NXPH2: variants seen among roughly 807,000 people sequenced by gnomAD.
NXPH2 encodes the protein neurexophilin-2.
NXPH2 carries 5 observed loss-of-function variants against 19.8 expected under a neutral mutation model. The observed-to-expected ratio is 0.25, with a 90% CI of 0.13 to 0.53. The LOEUF is 0.53. Ranked by LOEUF, NXPH2 falls within the 20% of genes least tolerant of loss-of-function variation. The pLI is 0.96. For missense variants in NXPH2, 289 were observed against 322.8 expected (o/e 0.90, Z 0.80); for synonymous variants, 154 against 127.4 (o/e 1.21, Z -1.41).
chr2:138,750,706 C>T (rs1427761756), intron 1 of NXPH2, among the ~76,000 whole-genome samples: 1 of 151,984 alleles, frequency 6.6e-6, no homozygotes, highest in East Asian at 1.9e-4. Context: ...ACAAAAATAT[C>T]ACTTTAAAAA....
At chr2:138,723,440 G>T (rs1573967030) in intron 1 of NXPH2, among the ~76,000 whole-genome samples, 1 of 152,176 alleles carries the variant, frequency 6.6e-6, no homozygotes, top group African/African-American at 2.4e-5. Context: ...AGTTCTCAAT[G>T]ATTACGCCAT....
At chr2:138,713,594 G>A (rs951762818) in intron 1 of NXPH2, among the ~76,000 whole-genome samples, 4 of 135,296 alleles carry the variant, frequency 3.0e-5, no homozygotes, top group South Asian at 2.9e-4. Flanking sequence ...TGTAGAAAAC[G>A]TTCTGTGTGT....
At chr2:138,745,948 G>A (rs1681724318) in intron 1 of NXPH2, among the ~76,000 whole-genome samples, 1 of 152,204 alleles carries the variant, frequency 6.6e-6, no homozygotes, top group African/African-American at 2.4e-5. Flanking sequence ...TAACACGGCT[G>A]GTGGCCTAGT....
chr2:138,688,013 G>T (rs1680687496), intron 1 of NXPH2, among the ~76,000 whole-genome samples: 1 of 152,166 alleles, frequency 6.6e-6, no homozygotes. Context: ...GATTGACTTG[G>T]CAATGCGGGC....
intron 1 of NXPH2, among the ~76,000 whole-genome samples, chr2:138,720,721 G>C (rs1472538457): frequency 1.3e-5 from 2 of 152,172 alleles, no homozygotes; most frequent in East Asian, 3.9e-4. Flanking sequence ...AGAAAATACG[G>C]TTCAGATCCC....
intron 1 of NXPH2, among the ~76,000 whole-genome samples, chr2:138,677,286 G>T (rs1241801165): frequency 1.3e-5 from 2 of 152,100 alleles, no homozygotes; most frequent in Non-Finnish European, 2.9e-5. Context: ...GCATAAAATG[G>T]AGTTTTACAA....
At chr2:138,764,335 C>G (rs886667651) in intron 1 of NXPH2, among the ~76,000 whole-genome samples, 1 of 152,174 alleles carries the variant, frequency 6.6e-6, no homozygotes, top group African/African-American at 2.4e-5. Context: ...CCCAGTATCA[C>G]CTGGTGCTTT....
chr2:138,674,886 A>G (rs1256995238), intron 1 of NXPH2, among the ~76,000 whole-genome samples: 5 of 152,168 alleles, frequency 3.3e-5, no homozygotes, highest in African/African-American at 1.2e-4. Flanking sequence ...TGCTTGGTAA[A>G]TGCTTGCAGA....
chr2:138,776,588 C>T (rs1261702159), intron 1 of NXPH2, among the ~76,000 whole-genome samples: 1 of 149,380 alleles, frequency 6.7e-6, no homozygotes, highest in Non-Finnish European at 1.5e-5. Context: ...GCACGGCCAA[C>T]TCTAAGTCAT....
chr2:138,753,873 A>G (rs1401925156), intron 1 of NXPH2, among the ~76,000 whole-genome samples: 2 of 152,224 alleles, frequency 1.3e-5, no homozygotes, highest in African/African-American at 2.4e-5. Context: ...TAACTAGAGT[A>G]CAGTGCTTAT....
At chr2:138,676,502 G>A (rs905199501) in intron 1 of NXPH2, among the ~76,000 whole-genome samples, 1 of 152,162 alleles carries the variant, frequency 6.6e-6, no homozygotes, top group African/African-American at 2.4e-5. Flanking sequence ...ATTCCCAATA[G>A]GGAAGCAGCC....
intron 1 of NXPH2, among the ~76,000 whole-genome samples, chr2:138,737,280 G>A (rs1330168103): frequency 6.6e-6 from 1 of 152,174 alleles, no homozygotes; most frequent in South Asian, 2.1e-4. Flanking sequence ...CATAGCTGGG[G>A]AGGCCTCACA....
chr2:138,725,246 A>C (rs1452666737), intron 1 of NXPH2, among the ~76,000 whole-genome samples: 3 of 152,228 alleles, frequency 2.0e-5, no homozygotes, highest in African/African-American at 7.2e-5. Flanking sequence ...AAATATTTAC[A>C]AAGTGGTTGA....
chr2:138,759,146 T>C (rs1681962554), intron 1 of NXPH2, among the ~76,000 whole-genome samples: 1 of 152,188 alleles, frequency 6.6e-6, no homozygotes, highest in South Asian at 2.1e-4. Context: ...AATACATCTT[T>C]TGCACAATGA....
intron 1 of NXPH2, among the ~76,000 whole-genome samples, chr2:138,770,176 G>A (rs1236937630): frequency 1.3e-5 from 2 of 152,020 alleles, no homozygotes; most frequent in Non-Finnish European, 2.9e-5. Context: ...AACTGCCAAA[G>A]AAAAAGCAAT....
chr2:138,753,653 A>C (rs1681859204), intron 1 of NXPH2, among the ~76,000 whole-genome samples: 1 of 152,136 alleles, frequency 6.6e-6, no homozygotes, highest in African/African-American at 2.4e-5. Flanking sequence ...CATTAAACTA[A>C]AACTGAGTGT....
chr2:138,685,480 T>C (rs191821963), intron 1 of NXPH2, among the ~76,000 whole-genome samples: 249 of 152,354 alleles, frequency 1.6e-3, no homozygotes, highest in Non-Finnish European at 2.9e-3. Context: ...CATGGGGTTA[T>C]GTCCCAATAA....
chr2:138,720,012 C>T (rs994737672), intron 1 of NXPH2, among the ~76,000 whole-genome samples: 5 of 151,966 alleles, frequency 3.3e-5, no homozygotes, highest in Non-Finnish European at 7.4e-5. Context: ...TTCCCTCATA[C>T]ATTCTTGGGA....
chr2:138,732,618 G>C (rs1005995750), intron 1 of NXPH2, among the ~76,000 whole-genome samples: 1 of 152,072 alleles, frequency 6.6e-6, no homozygotes, highest in Non-Finnish European at 1.5e-5. Flanking sequence ...CTCCTGACTT[G>C]TCACCTTGGC....
Sources: allele counts gnomAD v4.1 joint callset (sites outside exome capture counted in the v4.1 genomes callset), GRCh38; gene constraint gnomAD v4.1.1; transcripts MANE v1.5; gene names NCBI Gene and HGNC (gene_info 2026-07-23, HGNC 2026-07-21).